IGF1: variants seen among roughly 807,000 people sequenced by gnomAD.
The protein encoded by IGF1 is insulin-like growth factor 1.
IGF1 carries 4 observed loss-of-function variants against 13.8 expected under a neutral mutation model. That is an observed-to-expected ratio of 0.29 (90% CI 0.14 to 0.66). IGF1 has a LOEUF of 0.66. Among genes scored for constraint, IGF1 ranks in the 30% least tolerant of loss-of-function variants. IGF1 has a pLI of 0.78. For missense variants in IGF1, 124 were observed against 188.5 expected, an observed-to-expected ratio of 0.66 and a Z score of 2.00; for synonymous variants, 76 against 72.6, an observed-to-expected ratio of 1.05 and a Z score of -0.23.
chr12:102,427,590 T>C (rs1876323185), intron 2 of IGF1, among the ~76,000 whole-genome samples: 1 of 152,148 alleles, frequency 6.6e-6, no homozygotes, highest in Non-Finnish European at 1.5e-5. Context: ...CTGGACCTTG[T>C]CCCAGGGGTG....
At chr12:102,466,682 A>G (rs1413017101) in intron 2 of IGF1, among the ~76,000 whole-genome samples, 1 of 152,152 alleles carries the variant, frequency 6.6e-6, no homozygotes, top group Non-Finnish European at 1.5e-5. Flanking sequence ...CGGGCAGATC[A>G]CTTGAGCCCA....
chr12:102,456,447 G>C (rs1879412097), intron 2 of IGF1, among the ~76,000 whole-genome samples: 1 of 152,130 alleles, frequency 6.6e-6, no homozygotes, highest in Non-Finnish European at 1.5e-5. Context: ...TTTGTCAGAA[G>C]TTTTTCCCTC....
chr12:102,450,304 A>G (rs1433619190), intron 2 of IGF1, among the ~76,000 whole-genome samples: 1 of 152,256 alleles, frequency 6.6e-6, no homozygotes, highest in African/African-American at 2.4e-5. Flanking sequence ...GACAAAGAGT[A>G]AGAGAGTAGC....
intron 2 of IGF1, among the ~76,000 whole-genome samples, chr12:102,462,207 T>G (rs1040838872): frequency 6.6e-6 from 1 of 152,234 alleles, no homozygotes. Context: ...ATTAGCCCGT[T>G]GTAAACAAGA....
At chr12:102,481,347 C>CTG (rs3033407), upstream of IGF1, among the ~76,000 whole-genome samples, 10,830 of 140,220 alleles carry the variant, frequency 0.077, 517 homozygotes, top group East Asian at 0.27. Context: ...TAACTCAAAC[C>CTG]TGTGTGTGTG....
chr12:102,423,811 G>A (rs894252778), intron 2 of IGF1, among the ~76,000 whole-genome samples: 29 of 152,206 alleles, frequency 1.9e-4, no homozygotes, highest in Middle Eastern at 3.4e-3. Flanking sequence ...CAAGCAACTC[G>A]CTCCCCTCCA....
intron 2 of IGF1, among the ~76,000 whole-genome samples, chr12:102,468,097 T>C (rs906859997): frequency 1.3e-5 from 2 of 152,244 alleles, no homozygotes; most frequent in Non-Finnish European, 2.9e-5. Context: ...CAGAGATGTA[T>C]ACTTAATCAA....
intron 3 of IGF1, chr12:102,417,611 T>C (rs1417360873): frequency 2.3e-6 from 3 of 1,330,702 alleles, no homozygotes; most frequent in Non-Finnish European, 2.9e-6. Context: ...TCTTTGCGCT[T>C]TCTAGGGCAT....
At chr12:102,473,411 AAAT>A (rs1880808562) in intron 2 of IGF1, among the ~76,000 whole-genome samples, 1 of 152,222 alleles carries the variant, frequency 6.6e-6, no homozygotes, top group Non-Finnish European at 1.5e-5. Context: ...AATTACATGA[AAAT>A]AATCTAAATG....
At chr12:102,447,371 T>C (rs1465142149) in intron 2 of IGF1, among the ~76,000 whole-genome samples, 1 of 152,210 alleles carries the variant, frequency 6.6e-6, no homozygotes, top group Admixed American at 6.5e-5. Context: ...AGTCTCTTTG[T>C]AGGTCTCTAA....
At chr12:102,421,488 C>T (rs748828961) in intron 2 of IGF1, among the ~76,000 whole-genome samples, 68 of 152,150 alleles carry the variant, frequency 4.5e-4, no homozygotes, top group Non-Finnish European at 7.4e-4. Context: ...CAGTAAAGCA[C>T]AGCTGATACC....
In IGF1 at chr12:102,412,933, A is replaced by G. The variant is rs533892427; in HGVS notation, c.402+6576T>C. 3.3e-5 allele frequency among the ~76,000 whole-genome samples: 5 copies of G among 152,340 alleles called. 1 individual carries two copies. Among genetic ancestry groups the G allele is most frequent in the South Asian group, 4.1e-4 (2 of 4,822 alleles). On this transcript the variant is annotated intron_variant, in intron 3 of 3. Coordinates refer to ENST00000337514, the MANE Select transcript of IGF1 (RefSeq NM_000618.5). Reference sequence around the variant, plus strand: ...GAGTCCCATTAAAAAAGGACCTCCAAATATGTGGGCATCAGGGAAAAGTTC... The same window carrying G: ...GAGTCCCATTAAAAAAGGACCTCCAGATATGTGGGCATCAGGGAAAAGTTC...
At chr12:102,439,407 G>T (rs993189220) in intron 2 of IGF1, among the ~76,000 whole-genome samples, 3 of 152,140 alleles carry the variant, frequency 2.0e-5, no homozygotes, top group African/African-American at 4.8e-5. Context: ...AATTTAAGGA[G>T]ACCTTTAACA....
At chr12:102,457,873 A>G (rs956433473) in intron 2 of IGF1, among the ~76,000 whole-genome samples, 26 of 152,184 alleles carry the variant, frequency 1.7e-4, no homozygotes, top group African/African-American at 6.0e-4. Flanking sequence ...TTTTGGGAGC[A>G]TGATGGGTGT....
chr12:102,426,839 T>G (rs1876247588), intron 2 of IGF1, among the ~76,000 whole-genome samples: 1 of 152,246 alleles, frequency 6.6e-6, no homozygotes, highest in African/African-American at 2.4e-5. Context: ...CTCTCATCTC[T>G]CTCTACTTCA....
At chr12:102,468,776 G>A (rs1205416337) in intron 2 of IGF1, among the ~76,000 whole-genome samples, 1 of 152,210 alleles carries the variant, frequency 6.6e-6, no homozygotes, top group Non-Finnish European at 1.5e-5. Context: ...TGCCACCATG[G>A]GTTGTCAAAG....
rs1383297267 is a variant in IGF1 at position 102,476,442 on chromosome 12, A to AGAGAGAGAGAGAGAGG, written c.64-644_64-643insCCTCTCTCTCTCTCTC. Among the ~76,000 whole-genome samples, 4 of 151,842 alleles carry AGAGAGAGAGAGAGAGG rather than the reference A, an allele frequency of 2.6e-5. No homozygotes were observed. The South Asian group carries it at 6.3e-4, about 24-fold the overall frequency. On this transcript the variant is annotated intron_variant, in intron 1 of 3. Coordinates refer to ENST00000337514, the MANE Select transcript of IGF1 (RefSeq NM_000618.5). ...GAGAGAGAGAGAGAGAGAGAGAGAGAGACTGATTCCTTACCTGGGGCATAT... is the reference window on the plus strand; with the variant it reads ...GAGAGAGAGAGAGAGAGAGAGAGAGAGAGAGAGAGAGAGAGGGACTGATTCCTTACCTGGGGCATAT...
In IGF1 at chr12:102,480,528, A is replaced by C; in HGVS notation, c.-147T>G. 1 of 1,508,798 alleles carries C rather than the reference A, an allele frequency of 6.6e-7. No individual in the cohort carries two copies. The highest frequency in any genetic ancestry group is 8.9e-7 in the Non-Finnish European group (1 of 1,129,746). 93.5% of individuals were successfully genotyped at this position (1,508,798 alleles called of 1,614,324 possible). On this transcript the variant is annotated 5_prime_UTR_variant, in exon 1 of 4. In the 5' UTR this introduces an upstream ATG that the reference lacks. Coordinates refer to ENST00000337514, the MANE Select transcript of IGF1 (RefSeq NM_000618.5). ...CATTGCGCAGGCTCTATCTGCTCTG[A>C]ATTTAGCAGTGACAGTGAGATTTAG...
chr12:102,466,666 C>A (rs1371249870), intron 2 of IGF1, among the ~76,000 whole-genome samples: 1 of 152,116 alleles, frequency 6.6e-6, no homozygotes, highest in African/African-American at 2.4e-5. Flanking sequence ...CTTTGGGAGA[C>A]TGAGGCGGGC....
Sources: allele counts gnomAD v4.1 joint callset (sites outside exome capture counted in the v4.1 genomes callset), GRCh38; gene constraint gnomAD v4.1.1; transcripts MANE v1.5; gene names NCBI Gene and HGNC (gene_info 2026-07-23, HGNC 2026-07-21).